Variants in WWC2 observed in about 807,000 individuals in gnomAD.
WWC2 encodes WW and C2 domain containing 2.
In WWC2, 101 loss-of-function variants were observed where a neutral mutation model predicts 138.5. That is an observed-to-expected ratio of 0.73 (90% confidence interval 0.62 to 0.86). The LOEUF is 0.86. WWC2 is among the 40% of genes least tolerant of loss of function. The probability of loss-of-function intolerance (pLI) is 0.00; values close to 1 mark genes in which losing one functional copy is unlikely to be tolerated. For synonymous variants in WWC2, 558 were observed against 538.4 expected, an observed-to-expected ratio of 1.04 and a Z score of -0.50; for missense variants, 1,420 against 1,419.4, an observed-to-expected ratio of 1.00 and a Z score of -0.01.
At chr4:183,127,124 G>A (rs780372569) in intron 1 of WWC2, among the ~76,000 whole-genome samples, 1 of 152,106 alleles carries the variant, frequency 6.6e-6, no homozygotes, top group Non-Finnish European at 1.5e-5. Context: ...CAAAGGAAAG[G>A]AGAAGAGTTT....
chr4:183,264,582 T>C (rs561045091), intron 11 of WWC2, among the ~76,000 whole-genome samples: 10 of 152,338 alleles, frequency 6.6e-5, no homozygotes, highest in South Asian at 2.1e-4. Flanking sequence ...AACTTATCCA[T>C]TGAGTAGCTA....
intron 1 of WWC2, among the ~76,000 whole-genome samples, chr4:183,155,604 CTG>C (rs973469169): frequency 3.3e-5 from 5 of 152,160 alleles, no homozygotes; most frequent in South Asian, 2.1e-4. Context: ...AAAAAGGTGT[CTG>C]TGTAGAGTGC....
chr4:183,138,387 A>G (rs1223981861), intron 1 of WWC2, among the ~76,000 whole-genome samples: 2 of 152,140 alleles, frequency 1.3e-5, no homozygotes, highest in Non-Finnish European at 2.9e-5. Context: ...GTAGATCCTA[A>G]TTAGGAAAAC....
intron 4 of WWC2, among the ~76,000 whole-genome samples, chr4:183,227,179 A>G (rs1234353450): frequency 1.3e-5 from 2 of 152,088 alleles, no homozygotes; most frequent in African/African-American, 4.8e-5. Flanking sequence ...CAACAATGCT[A>G]GGTAGATAAA....
chr4:183,220,751 G>A (rs558916594), intron 4 of WWC2, among the ~76,000 whole-genome samples: 7 of 151,734 alleles, frequency 4.6e-5, no homozygotes, highest in East Asian at 1.9e-4. Context: ...GGAGAATGGC[G>A]TGAACCCGGG....
intron 21 of WWC2, among the ~76,000 whole-genome samples, chr4:183,307,670 A>C (rs1046714094): frequency 6.6e-6 from 1 of 152,220 alleles, no homozygotes; most frequent in African/African-American, 2.4e-5. Flanking sequence ...TCACATCAAC[A>C]CCTGCTCATG....
chr4:183,133,123 T>C (rs1243091688), intron 1 of WWC2, among the ~76,000 whole-genome samples: 2 of 146,562 alleles, frequency 1.4e-5, no homozygotes, highest in Non-Finnish European at 3.0e-5. Context: ...TTTCCTTCCC[T>C]TTTTTTCTTT....
rs762566342 is a variant in WWC2 at position 183,180,665 on chromosome 4, TAATG to T, written c.132-12933_132-12930del. On this transcript the variant is annotated intron_variant, in intron 1 of 22. Transcript: ENST00000403733. ...TTCAGCAATAAAAAGAATGAATTCTTAATGCATGCTATATAATAACATTATATAT... is the reference window on the plus strand; with the variant it reads ...TTCAGCAATAAAAAGAATGAATTCTTCATGCTATATAATAACATTATATAT... 7.4e-4 allele frequency among the ~76,000 whole-genome samples: 113 copies of T among 152,258 alleles called. 2 individuals are homozygous for T. In the Middle Eastern group the frequency reaches 0.01, roughly 14 times the overall value.
At chr4:183,189,682 A>G (rs1317697795) in intron 1 of WWC2, among the ~76,000 whole-genome samples, 2 of 152,254 alleles carry the variant, frequency 1.3e-5, no homozygotes, top group Non-Finnish European at 2.9e-5. Flanking sequence ...CAATGAGAAC[A>G]GCAGATGCTA....
chr4:183,243,227 T>A (rs1736672470), intron 5 of WWC2, among the ~76,000 whole-genome samples: 1 of 152,098 alleles, frequency 6.6e-6, no homozygotes, highest in African/African-American at 2.4e-5. Flanking sequence ...ATCAAAGATT[T>A]GTTTTATCAT....
intron 21 of WWC2, among the ~76,000 whole-genome samples, chr4:183,300,307 G>C (rs1738788252): frequency 6.6e-6 from 1 of 151,818 alleles, no homozygotes; most frequent in African/African-American, 2.4e-5. Flanking sequence ...GGTTCTTCCA[G>C]AGGAGCCTCG....
At chr4:183,128,918 C>T (rs540509313) in intron 1 of WWC2, among the ~76,000 whole-genome samples, 1 of 152,278 alleles carries the variant, frequency 6.6e-6, no homozygotes, top group South Asian at 2.1e-4. Context: ...TATAGACTTA[C>T]TAGCTTTTTA....
At chr4:183,152,256 T>C (rs1733654696) in intron 1 of WWC2, among the ~76,000 whole-genome samples, 1 of 152,032 alleles carries the variant, frequency 6.6e-6, no homozygotes, top group Admixed American at 6.6e-5. Context: ...TCCCAGCACT[T>C]TGGGAGGCTG....
intron 18 of WWC2, among the ~76,000 whole-genome samples, chr4:183,283,582 C>G (rs1377119560): frequency 6.6e-6 from 1 of 152,190 alleles, no homozygotes; most frequent in Admixed American, 6.5e-5. Flanking sequence ...GGTTTGGAAT[C>G]AAATTATACC....
intron 1 of WWC2, among the ~76,000 whole-genome samples, chr4:183,118,945 C>CA (rs1434582932): frequency 6.6e-6 from 1 of 151,558 alleles, no homozygotes; most frequent in Non-Finnish European, 1.5e-5. Context: ...TCCTGTCTCT[C>CA]ATCCTCCCCT....
At chr4:183,169,355 T>C (rs952448798) in intron 1 of WWC2, among the ~76,000 whole-genome samples, 1 of 152,238 alleles carries the variant, frequency 6.6e-6, no homozygotes, top group Non-Finnish European at 1.5e-5. Context: ...TTCATGTGTT[T>C]TTTACACATT....
In WWC2 at chr4:183,136,003, G is replaced by A. The variant is rs146809749; in HGVS notation, c.131+36381G>A. Among the ~76,000 whole-genome samples, 387 of 150,524 alleles carry A rather than the reference G, an allele frequency of 2.6e-3. 3 individuals are homozygous for A. The highest frequency in any genetic ancestry group is 4.2e-3 in the Non-Finnish European group (283 of 67,746). On this transcript the variant is annotated intron_variant, in intron 1 of 22. Transcript: ENST00000403733. The stretch of plus-strand genomic sequence containing the variant: ...CTTCTCTTCCCCTTTTATTTTTTGA[G>A]ACCAGGTCTCACTCTGTTTAAAACA...
chr4:183,215,115 C>G (rs1479309052), intron 4 of WWC2, among the ~76,000 whole-genome samples: 1 of 152,196 alleles, frequency 6.6e-6, no homozygotes, highest in Non-Finnish European at 1.5e-5. Flanking sequence ...ATACTGTTTT[C>G]TCCTATACAG....
In WWC2 at chr4:183,236,866, T is replaced by C. The variant is rs562131458; in HGVS notation, c.523-3317T>C. On this transcript the variant is annotated intron_variant, in intron 4 of 22. Coordinates refer to ENST00000403733, the MANE Select transcript of WWC2 (RefSeq NM_024949.6). ...GGGTAGTATGGACATTTTAATAATA[T>C]TGATTCTTCCAATCCATGAACATGG... Among the ~76,000 whole-genome samples, 4 of 152,190 alleles carry C rather than the reference T, an allele frequency of 2.6e-5. No individual in the cohort carries two copies. The South Asian group carries it at 8.3e-4, about 32-fold the overall frequency.
Sources: gnomAD v4.1 joint callset for allele counts (sites outside exome capture counted in the v4.1 genomes callset) on GRCh38, gnomAD v4.1.1 for gene constraint, MANE v1.5 for transcripts, NCBI Gene and HGNC (gene_info 2026-07-23, HGNC 2026-07-21) for gene names.